The following CLIC4 variants were observed in gnomAD, a reference collection of about 807,000 sequenced individuals.
The protein encoded by CLIC4 is chloride intracellular channel protein 4.
Under a neutral mutation model 24.6 loss-of-function variants are expected in CLIC4, and 13 were observed. That is an observed-to-expected ratio of 0.53 (90% CI 0.34 to 0.84). The LOEUF (loss-of-function observed/expected upper bound fraction) is 0.84. Ranked by LOEUF, CLIC4 falls within the 40% of genes least tolerant of loss-of-function variation. CLIC4 has a pLI of 0.01. For missense variants in CLIC4, 227 were observed against 301.7 expected, an observed-to-expected ratio of 0.75 and a Z score of 1.83; for synonymous variants, 104 against 111.3, an observed-to-expected ratio of 0.93 and a Z score of 0.41.
chr1:24,779,916 T>C (rs1317112660), intron 1 of CLIC4, among the ~76,000 whole-genome samples: 2 of 152,186 alleles, frequency 1.3e-5, no homozygotes, highest in African/African-American at 4.8e-5. Flanking sequence ...CTCTGATCTG[T>C]TTTCCATATG....
chr1:24,756,668 G>GGA (rs2124084205), intron 1 of CLIC4, among the ~76,000 whole-genome samples: 1 of 152,218 alleles, frequency 6.6e-6, no homozygotes, highest in African/African-American at 2.4e-5. Context: ...AAGAGAATCT[G>GGA]AACAAATATT....
At chr1:24,831,275 C>A (rs1260781572) in intron 4 of CLIC4, among the ~76,000 whole-genome samples, 2 of 152,168 alleles carry the variant, frequency 1.3e-5, no homozygotes, top group African/African-American at 4.8e-5. Context: ...ATTGCCCAGG[C>A]TGGTCTTGAC....
At chr1:24,766,941 C>T (rs112394747) in intron 1 of CLIC4, among the ~76,000 whole-genome samples, 144 of 148,202 alleles carry the variant, frequency 9.7e-4, no homozygotes, top group Non-Finnish European at 1.5e-3. Flanking sequence ...ATGCAGTGTC[C>T]AGTCTTTTGG....
intron 2 of CLIC4, among the ~76,000 whole-genome samples, chr1:24,798,133 C>T (rs1051678983): frequency 6.6e-6 from 1 of 152,164 alleles, no homozygotes; most frequent in Non-Finnish European, 1.5e-5. Flanking sequence ...AAATCCTTGA[C>T]TTCTTTTTTC....
chr1:24,747,533 CAAAAAAAAA>C (rs35626709), intron 1 of CLIC4, among the ~76,000 whole-genome samples: 11 of 92,700 alleles, frequency 1.2e-4, no homozygotes, highest in Non-Finnish European at 1.6e-4. Context: ...GACTCCATCT[CAAAAAAAAA>C]AAAAAAAAAG....
chr1:24,813,025 CCTTTCTTTCTTT>C (rs1184173931), intron 2 of CLIC4, among the ~76,000 whole-genome samples: 1 of 143,704 alleles, frequency 7.0e-6, no homozygotes, highest in African/African-American at 2.6e-5. Context: ...TTGAAAAATA[CCTTTCTTTCTTT>C]CTTTCTTTCT....
At chr1:24,760,655 GTTC>G (rs1638915922) in intron 1 of CLIC4, among the ~76,000 whole-genome samples, 1 of 151,830 alleles carries the variant, frequency 6.6e-6, no homozygotes, top group Admixed American at 6.6e-5. Context: ...AATAATATCT[GTTC>G]TTCTTTCATT....
chr1:24,793,790 A>G (rs1240404297), intron 1 of CLIC4, among the ~76,000 whole-genome samples: 1 of 151,628 alleles, frequency 6.6e-6, no homozygotes, highest in African/African-American at 2.4e-5. Flanking sequence ...CTATAAGCCC[A>G]CTTTTTTTGT....
At chr1:24,802,049 C>T (rs1323390845) in intron 2 of CLIC4, among the ~76,000 whole-genome samples, 1 of 152,102 alleles carries the variant, frequency 6.6e-6, no homozygotes, top group Non-Finnish European at 1.5e-5. Context: ...CAGGCACACA[C>T]CCTTACTGTG....
chr1:24,746,430 T>C (rs1299137186), intron 1 of CLIC4, among the ~76,000 whole-genome samples: 2 of 152,228 alleles, frequency 1.3e-5, no homozygotes, highest in Non-Finnish European at 2.9e-5. Context: ...TCAGCTTTCA[T>C]GTGTGGAATT....
At chr1:24,838,137 A>G (rs1201691863) in intron 4 of CLIC4, among the ~76,000 whole-genome samples, 1 of 152,082 alleles carries the variant, frequency 6.6e-6, no homozygotes, top group African/African-American at 2.4e-5. Flanking sequence ...TGACACCAGC[A>G]TTCACCCTGG....
chr1:24,784,327 G>A (rs1182569281), intron 1 of CLIC4, among the ~76,000 whole-genome samples: 1 of 152,116 alleles, frequency 6.6e-6, no homozygotes, highest in African/African-American at 2.4e-5. Context: ...TTATAGAAAA[G>A]GAAAACAGGC....
chr1:24,781,236 G>A (rs1379905010), intron 1 of CLIC4, among the ~76,000 whole-genome samples: 1 of 148,536 alleles, frequency 6.7e-6, no homozygotes, highest in Non-Finnish European at 1.5e-5. Flanking sequence ...CCTGGTTCAA[G>A]CGATTATCCT....
At chr1:24,782,904 G>A (rs574505116) in intron 1 of CLIC4, among the ~76,000 whole-genome samples, 1 of 152,166 alleles carries the variant, frequency 6.6e-6, no homozygotes, top group East Asian at 1.9e-4. Flanking sequence ...ACTACAGCCT[G>A]GAGAGTTCAA....
chr1:24,791,746 G>C (rs374293773), intron 1 of CLIC4, among the ~76,000 whole-genome samples: 2 of 152,044 alleles, frequency 1.3e-5, no homozygotes, highest in Non-Finnish European at 2.9e-5. Flanking sequence ...CATGGTTGTG[G>C]GCACCTGTAA....
At chr1:24,782,606 G>A (rs1639218067) in intron 1 of CLIC4, among the ~76,000 whole-genome samples, 1 of 152,062 alleles carries the variant, frequency 6.6e-6, no homozygotes, top group Admixed American at 6.6e-5. Flanking sequence ...AATGTATTTA[G>A]AAACTATTAG....
chr1:24,771,380 T>C (rs182788697), intron 1 of CLIC4, among the ~76,000 whole-genome samples: 1 of 152,346 alleles, frequency 6.6e-6, no homozygotes, highest in East Asian at 1.9e-4. Context: ...TGAATCACCT[T>C]TAATTACATT....
chr1:24,827,324 A>G (rs1439471690), intron 4 of CLIC4, among the ~76,000 whole-genome samples: 1 of 152,248 alleles, frequency 6.6e-6, no homozygotes, highest in Non-Finnish European at 1.5e-5. Context: ...AGCTAGTAGC[A>G]CAGTATATAG....
At chr1:24,775,827 CTT>C (rs901137221) in intron 1 of CLIC4, among the ~76,000 whole-genome samples, 2 of 136,132 alleles carry the variant, frequency 1.5e-5, no homozygotes, top group Non-Finnish European at 1.6e-5. Context: ...TCCTTGATTA[CTT>C]TTTTTTTTTT....
Sources: gnomAD v4.1 joint callset for allele counts (sites outside exome capture counted in the v4.1 genomes callset) on GRCh38, gnomAD v4.1.1 for gene constraint, MANE v1.5 for transcripts, NCBI Gene and HGNC (gene_info 2026-07-23, HGNC 2026-07-21) for gene names.